The following SPAG16 variants were observed in gnomAD, a reference collection of about 807,000 sequenced individuals.
SPAG16 encodes sperm associated antigen 16.
In SPAG16, 86 loss-of-function variants were observed where a neutral mutation model predicts 80.4. The observed-to-expected ratio is 1.07, with a 90% CI of 0.90 to 1.28. SPAG16 has a LOEUF of 1.28. Among genes scored for constraint, SPAG16 ranks in the 50% most tolerant of loss-of-function variants. The pLI is 0.00. For missense variants in SPAG16, 870 were observed against 765.3 expected (o/e 1.14, Z -1.61); for synonymous variants, 294 against 265.9 (o/e 1.11, Z -1.03).
intron 10 of SPAG16, among the ~76,000 whole-genome samples, chr2:213,776,427 G>A (rs1468690869): frequency 6.6e-6 from 1 of 152,168 alleles, no homozygotes; most frequent in South Asian, 2.1e-4. Flanking sequence ...AAAACATGAA[G>A]CTCTTCTGGG....
intron 3 of SPAG16, among the ~76,000 whole-genome samples, chr2:213,299,468 C>T (rs897292030): frequency 1.5e-4 from 23 of 150,420 alleles, no homozygotes; most frequent in African/African-American, 5.1e-4. Context: ...TTAGTAGAGA[C>T]GGGGTTTCAC....
intron 11 of SPAG16, among the ~76,000 whole-genome samples, chr2:213,898,047 G>A (rs2077063760): frequency 6.6e-6 from 1 of 152,114 alleles, no homozygotes; most frequent in Middle Eastern, 3.4e-3. Flanking sequence ...TTATATTTTG[G>A]CAAACGGCCT....
chr2:214,275,095 T>C (rs1692359192), intron 15 of SPAG16, among the ~76,000 whole-genome samples: 1 of 152,220 alleles, frequency 6.6e-6, no homozygotes, highest in African/African-American at 2.4e-5. Context: ...GAGGTGTTTA[T>C]AGTATTCTCT....
intron 13 of SPAG16, among the ~76,000 whole-genome samples, chr2:214,075,781 G>A (rs544017840): frequency 3.9e-5 from 6 of 152,192 alleles, no homozygotes; most frequent in South Asian, 2.1e-4. Context: ...TTTTTGTAGC[G>A]CTATATGACT....
chr2:213,580,109 GTCC>G (rs2124845632), intron 10 of SPAG16, among the ~76,000 whole-genome samples: 1 of 151,900 alleles, frequency 6.6e-6, no homozygotes, highest in African/African-American at 2.4e-5. Context: ...CCTGAAGTAG[GTCC>G]TAAGACCCTT....
chr2:213,870,114 A>T (rs1254301998), intron 11 of SPAG16, among the ~76,000 whole-genome samples: 1 of 152,104 alleles, frequency 6.6e-6, no homozygotes, highest in African/African-American at 2.4e-5. Flanking sequence ...AGGCCATATA[A>T]CTGATCTCTG....
chr2:214,085,679 C>A (rs1456010765), intron 13 of SPAG16, among the ~76,000 whole-genome samples: 1 of 152,156 alleles, frequency 6.6e-6, no homozygotes, highest in African/African-American at 2.4e-5. Flanking sequence ...TTCCTTTGAA[C>A]ATCCAGACTA....
At chr2:213,763,145 T>C (rs1301568162) in intron 10 of SPAG16, among the ~76,000 whole-genome samples, 1 of 152,078 alleles carries the variant, frequency 6.6e-6, no homozygotes, top group Non-Finnish European at 1.5e-5. Context: ...ATTGTAAGGA[T>C]ATAGAGAAAT....
chr2:213,687,907 T>C (rs113316152), intron 10 of SPAG16, among the ~76,000 whole-genome samples: 7,467 of 152,248 alleles, frequency 0.049, 596 homozygotes, highest in African/African-American at 0.17. Context: ...CTGTAAAATA[T>C]TTGAAGGGAT....
intron 12 of SPAG16, among the ~76,000 whole-genome samples, chr2:214,012,274 A>G (rs1559689580): frequency 2.3e-5 from 1 of 43,954 alleles, no homozygotes; most frequent in Non-Finnish European, 4.6e-5. Context: ...ATATATATAT[A>G]TATATATATA....
intron 9 of SPAG16, among the ~76,000 whole-genome samples, chr2:213,388,316 C>G (rs2067559092): frequency 6.6e-6 from 1 of 152,174 alleles, no homozygotes; most frequent in Non-Finnish European, 1.5e-5. Context: ...CATTATTCAC[C>G]CTTGTCTCCC....
intron 15 of SPAG16, among the ~76,000 whole-genome samples, chr2:214,165,305 C>T (rs2056601335): frequency 6.6e-6 from 1 of 151,486 alleles, no homozygotes; most frequent in African/African-American, 2.4e-5. Flanking sequence ...GTTTAGAAAC[C>T]TCATCTCAAC....
intron 10 of SPAG16, among the ~76,000 whole-genome samples, chr2:213,648,756 T>A (rs2062917814): frequency 6.6e-6 from 1 of 152,188 alleles, no homozygotes; most frequent in Admixed American, 6.5e-5. Flanking sequence ...AAGAATATCA[T>A]ATCCTCCTCC....
At chr2:213,970,413 C>A (rs1031355499) in intron 12 of SPAG16, among the ~76,000 whole-genome samples, 6 of 151,996 alleles carry the variant, frequency 3.9e-5, no homozygotes, top group African/African-American at 1.4e-4. Context: ...GTGATCTGCC[C>A]ACCTCAGCCT....
intron 13 of SPAG16, among the ~76,000 whole-genome samples, chr2:214,046,977 A>T (rs1201690391): frequency 2.0e-5 from 3 of 152,054 alleles, no homozygotes; most frequent in African/African-American, 7.2e-5. Flanking sequence ...GGAATTAACT[A>T]AAAAAGTGAA....
At chr2:213,293,112 G>A (rs2062361927) in intron 1 of SPAG16, among the ~76,000 whole-genome samples, 1 of 152,150 alleles carries the variant, frequency 6.6e-6, no homozygotes, top group African/African-American at 2.4e-5. Flanking sequence ...TAATGAGTGA[G>A]TATCGCAAGA....
intron 15 of SPAG16, among the ~76,000 whole-genome samples, chr2:214,337,448 G>C (rs1697378414): frequency 1.3e-5 from 2 of 152,222 alleles, no homozygotes; most frequent in Non-Finnish European, 2.9e-5. Context: ...GTAGATGGCT[G>C]TTTCTGAATC....
At chr2:213,644,213 T>G (rs1002338317) in intron 10 of SPAG16, among the ~76,000 whole-genome samples, 19 of 152,040 alleles carry the variant, frequency 1.2e-4, no homozygotes, top group African/African-American at 4.6e-4. Flanking sequence ...TCAATCTCTT[T>G]GTTAAATTTA....
chr2:213,692,687 G>A (rs2064993393), intron 10 of SPAG16, among the ~76,000 whole-genome samples: 1 of 151,902 alleles, frequency 6.6e-6, no homozygotes, highest in Non-Finnish European at 1.5e-5. Flanking sequence ...GCGGGTGCCT[G>A]TAGTCCCAGC....
Sources: allele counts gnomAD v4.1 joint callset (sites outside exome capture counted in the v4.1 genomes callset), GRCh38; gene constraint gnomAD v4.1.1; transcripts MANE v1.5; gene names NCBI Gene and HGNC (gene_info 2026-07-23, HGNC 2026-07-21).